Variants in SGCZ observed in about 807,000 individuals in gnomAD.
SGCZ encodes sarcoglycan zeta.
SGCZ carries 40 observed loss-of-function variants against 41.3 expected under a neutral mutation model. The observed-to-expected ratio is 0.97, with a 90% confidence interval of 0.75 to 1.26. SGCZ has a LOEUF of 1.26. Among genes scored for constraint, SGCZ ranks in the 50% most tolerant of loss-of-function variants. The probability of loss-of-function intolerance (pLI) is 0.00; values close to 1 mark genes in which losing one functional copy is unlikely to be tolerated. For synonymous variants in SGCZ, 206 were observed against 137.5 expected (o/e 1.50, Z -3.49); for missense variants, 552 against 369.8 (o/e 1.49, Z -4.04).
intron 1 of SGCZ, among the ~76,000 whole-genome samples, chr8:14,811,721 C>T (rs1801743811): frequency 1.3e-5 from 2 of 151,508 alleles, no homozygotes; most frequent in Admixed American, 6.6e-5. Context: ...AGACGCACTG[C>T]CGTGATCATA....
intron 2 of SGCZ, among the ~76,000 whole-genome samples, chr8:14,398,031 T>A (rs1798967899): frequency 6.6e-6 from 1 of 152,096 alleles, no homozygotes; most frequent in Admixed American, 6.6e-5. Flanking sequence ...GACCATCAAC[T>A]CAAAGGACCC....
intron 1 of SGCZ, among the ~76,000 whole-genome samples, chr8:15,105,592 C>T (rs1806793850): frequency 2.0e-5 from 3 of 152,062 alleles, no homozygotes; most frequent in Admixed American, 2.0e-4. Flanking sequence ...AGAAAGTCTG[C>T]CCCATGATTC....
At chr8:14,961,110 G>A (rs1235938852) in intron 1 of SGCZ, among the ~76,000 whole-genome samples, 4 of 151,964 alleles carry the variant, frequency 2.6e-5, no homozygotes, top group African/African-American at 9.7e-5. Flanking sequence ...GCATCAGTGG[G>A]GCCTGAAATT....
intron 1 of SGCZ, among the ~76,000 whole-genome samples, chr8:15,034,771 G>T (rs1803812125): frequency 7.2e-6 from 1 of 138,206 alleles, no homozygotes; most frequent in South Asian, 2.3e-4. Context: ...GAACTTTCCA[G>T]CAGTAACTTT....
rs932176358 is a variant in SGCZ, at chr8:14,512,839, T to C, written c.234+41893A>G. Among the ~76,000 whole-genome samples the C allele has an allele frequency of 1.5e-4, 23 of 152,192 alleles. No individual in the cohort carries two copies. The East Asian group carries it at 4.3e-3, about 28-fold the overall frequency. The stretch of plus-strand genomic sequence containing the variant: ...GAACTTTATTAATTGTCTACCCTGG[T>C]GCTTCTGAAGTTTCATTGAAGATAA... On this transcript the variant is annotated intron_variant, in intron 2 of 7. Coordinates refer to ENST00000382080, the MANE Select transcript of SGCZ (RefSeq NM_139167.4).
intron 2 of SGCZ, among the ~76,000 whole-genome samples, chr8:14,465,898 A>G (rs1278359297): frequency 2.0e-5 from 3 of 151,904 alleles, no homozygotes; most frequent in Non-Finnish European, 4.4e-5. Flanking sequence ...AACAAAATGT[A>G]AGTTACAACA....
chr8:14,555,625 C>T (rs1804011997), intron 1 of SGCZ, among the ~76,000 whole-genome samples: 1 of 151,916 alleles, frequency 6.6e-6, no homozygotes, highest in Non-Finnish European at 1.5e-5. Context: ...TTTTTTTATA[C>T]CAGAGCAAGA....
At chr8:14,965,293 A>T (rs977983523) in intron 1 of SGCZ, among the ~76,000 whole-genome samples, 2 of 152,132 alleles carry the variant, frequency 1.3e-5, no homozygotes, top group Admixed American at 1.3e-4. Flanking sequence ...TGCGATGTTT[A>T]ACCTCCAGCC....
intron 5 of SGCZ, among the ~76,000 whole-genome samples, chr8:14,151,537 G>C (rs1478297717): frequency 7.9e-5 from 12 of 151,802 alleles, no homozygotes; most frequent in Non-Finnish European, 1.3e-4. Context: ...ACATGTTTAA[G>C]GCAATTAAAG....
chr8:14,226,620 G>A (rs1201450217), intron 4 of SGCZ, among the ~76,000 whole-genome samples: 3 of 152,060 alleles, frequency 2.0e-5, no homozygotes, highest in Non-Finnish European at 4.4e-5. Flanking sequence ...GGATATTTGA[G>A]TTGACTCCCG....
At position 15,136,622 on chromosome 8, in the gene SGCZ, GTC is replaced by G. The variant is rs561238669; in HGVS notation, c.39+100961_39+100962del. On this transcript the variant is annotated intron_variant, in intron 1 of 7. Coordinates refer to ENST00000382080, the MANE Select transcript of SGCZ (RefSeq NM_139167.4). ...CTATGCTATTTGCCTTATAATGAGAGTCTCATAAGATCTGATGCTTTTATTAG... is the reference window on the plus strand; with the variant it reads ...CTATGCTATTTGCCTTATAATGAGAGTCATAAGATCTGATGCTTTTATTAG... Among the ~76,000 whole-genome samples, 3 of 152,194 alleles carry G rather than the reference GTC, an allele frequency of 2.0e-5. No individual in the cohort carries two copies. The East Asian group carries it at 5.8e-4, about 29-fold the overall frequency.
intron 1 of SGCZ, among the ~76,000 whole-genome samples, chr8:14,578,648 G>C (rs1322315808): frequency 6.6e-6 from 1 of 152,102 alleles, no homozygotes; most frequent in Non-Finnish European, 1.5e-5. Flanking sequence ...ACATTCTGAG[G>C]TCAATTTCAG....
intron 1 of SGCZ, chr8:14,879,177 A>G (rs1447970772): frequency 1.3e-5 from 2 of 152,116 alleles, no homozygotes; most frequent in African/African-American, 4.8e-5. Flanking sequence ...AAATTTAAAA[A>G]GTTAGCTGGC....
intron 2 of SGCZ, among the ~76,000 whole-genome samples, chr8:14,434,416 G>C (rs1400122627): frequency 1.3e-5 from 2 of 152,126 alleles, no homozygotes; most frequent in African/African-American, 4.8e-5. Flanking sequence ...CTCCAGATTT[G>C]TTCTTTTTGT....
At chr8:14,112,916 C>T (rs1802417376) in intron 5 of SGCZ, among the ~76,000 whole-genome samples, 1 of 144,260 alleles carries the variant, frequency 6.9e-6, no homozygotes, top group Non-Finnish European at 1.5e-5. Flanking sequence ...GATGGAGTAA[C>T]AATACTGGAA....
chr8:14,475,982 T>A (rs1347316854), intron 2 of SGCZ, among the ~76,000 whole-genome samples: 1 of 152,038 alleles, frequency 6.6e-6, no homozygotes, highest in Non-Finnish European at 1.5e-5. Context: ...TAGCTATTTT[T>A]TTTTTTTTAA....
chr8:14,361,993 C>A (rs895778608), intron 2 of SGCZ, among the ~76,000 whole-genome samples: 2 of 152,160 alleles, frequency 1.3e-5, no homozygotes, highest in African/African-American at 4.8e-5. Context: ...ACCCTGCTTG[C>A]CTGGGTATCA....
chr8:14,729,236 G>A (rs570627466), intron 1 of SGCZ, among the ~76,000 whole-genome samples: 12 of 152,246 alleles, frequency 7.9e-5, no homozygotes, highest in African/African-American at 2.6e-4. Flanking sequence ...ACCATGCCCA[G>A]TCACGACAAC....
At chr8:14,590,206 T>C (rs1030995230) in intron 1 of SGCZ, among the ~76,000 whole-genome samples, 39 of 152,086 alleles carry the variant, frequency 2.6e-4, no homozygotes, top group Admixed American at 1.5e-3. Flanking sequence ...GATTTAAATA[T>C]CTTATGTCTA....
Sources: allele counts gnomAD v4.1 joint callset (sites outside exome capture counted in the v4.1 genomes callset), GRCh38; gene constraint gnomAD v4.1.1; transcripts MANE v1.5; gene names NCBI Gene and HGNC (gene_info 2026-07-23, HGNC 2026-07-21).